VWA8: variants seen among roughly 807,000 people sequenced by gnomAD.
The protein encoded by VWA8 is von Willebrand factor A domain containing 8, also known as von Willebrand factor A domain-containing protein 8.
In VWA8, 221 loss-of-function variants were observed where a neutral mutation model predicts 241.5. The ratio of observed to expected loss-of-function variants is 0.91; its 90% CI spans 0.82 to 1.02. The LOEUF (loss-of-function observed/expected upper bound fraction) is 1.02. Among genes scored for constraint, VWA8 ranks in the 50% least tolerant of loss-of-function variants. VWA8 has a pLI of 0.00. For missense variants in VWA8, 2,322 were observed against 2,328.7 expected (o/e 1.00, Z 0.06); for synonymous variants, 852 against 827.1 (o/e 1.03, Z -0.52).
Position 41,721,529 on chromosome 13 carries a change from C to A in VWA8, c.2805G>T (p.Ser935=), listed in dbSNP as rs376457977. 3.1e-6 allele frequency: 5 copies of A among 1,613,676 alleles called. No individual in the cohort carries two copies. In the Middle Eastern group the frequency reaches 5.0e-4, roughly 160 times the overall value. ...CHAVDNPKPH[S]ELEMLRQYGP... is the part of the protein sequence containing the mutation. ...CATACTGTCTGAGCATCTCGAGCTC[C>A]GAGTGGGGTTTGGGGTTATCAACTG... Residue 935 remains serine (S), a synonymous_variant, in exon 25 of 45, where the codon TCG becomes TCT. Coordinates refer to ENST00000379310, the MANE Select transcript of VWA8 (RefSeq NM_015058.2).
At chr13:41,891,866 T>G (rs772745928) in intron 4 of VWA8, among the ~76,000 whole-genome samples, 1 of 152,094 alleles carries the variant, frequency 6.6e-6, no homozygotes. Context: ...ATATACCCAA[T>G]GAAATAAAAA....
intron 17 of VWA8, among the ~76,000 whole-genome samples, chr13:41,810,857 C>T (rs1870433474): frequency 6.6e-6 from 1 of 151,994 alleles, no homozygotes; most frequent in Non-Finnish European, 1.5e-5. Flanking sequence ...ATGCCTGTAT[C>T]AAAGTATCTC....
intron 2 of VWA8, among the ~76,000 whole-genome samples, chr13:41,932,295 T>C (rs745587403): frequency 1.3e-5 from 2 of 152,066 alleles, no homozygotes; most frequent in African/African-American, 4.8e-5. Context: ...ACTATATCTA[T>C]GAAAGAAACT....
chr13:41,857,701 T>C (rs944703121), intron 12 of VWA8, among the ~76,000 whole-genome samples: 7 of 152,208 alleles, frequency 4.6e-5, no homozygotes, highest in African/African-American at 1.7e-4. Context: ...TGACATTTAA[T>C]GAAAATGTCA....
At chr13:41,590,882 T>C in intron 40 of VWA8, 117 bp from the exon 41 acceptor site, 1 of 1,298,578 alleles carries the variant, frequency 7.7e-7, no homozygotes, top group South Asian at 1.3e-5. Context: ...GTGATGGTTC[T>C]GCATGAACAC....
intron 39 of VWA8, among the ~76,000 whole-genome samples, chr13:41,605,525 T>C (rs1484454753): frequency 6.6e-6 from 1 of 152,150 alleles, no homozygotes; most frequent in Non-Finnish European, 1.5e-5. Flanking sequence ...TGTTTGCTGA[T>C]TTCCATGATG....
At chr13:41,882,560 G>A (rs540629037) in intron 9 of VWA8, among the ~76,000 whole-genome samples, 4 of 152,352 alleles carry the variant, frequency 2.6e-5, no homozygotes, top group South Asian at 4.1e-4. Context: ...CCAGCACCCC[G>A]GGAGGCCAAG....
chr13:41,817,080 T>C (rs976780701), intron 15 of VWA8, among the ~76,000 whole-genome samples: 3 of 152,194 alleles, frequency 2.0e-5, no homozygotes, highest in Non-Finnish European at 4.4e-5. Flanking sequence ...TGGCCCATAG[T>C]GTACCCATAA....
At chr13:41,582,892 T>A (rs1036480704) in intron 42 of VWA8, among the ~76,000 whole-genome samples, 1 of 152,234 alleles carries the variant, frequency 6.6e-6, no homozygotes, top group Middle Eastern at 3.4e-3. Context: ...TCACTCTTCC[T>A]CCTTTTATAC....
At chr13:41,829,680 A>G (rs1351817860) in intron 14 of VWA8, among the ~76,000 whole-genome samples, 2 of 152,206 alleles carry the variant, frequency 1.3e-5, no homozygotes, top group African/African-American at 4.8e-5. Context: ...GAAGTAACTC[A>G]GGAATGGAAA....
chr13:41,957,636 A>G (rs1186970309), intron 1 of VWA8, among the ~76,000 whole-genome samples: 2 of 152,152 alleles, frequency 1.3e-5, no homozygotes, highest in Admixed American at 1.3e-4. Context: ...TTATACATAT[A>G]TATGTAATCT....
chr13:41,590,381 T>A (rs1036636753), intron 41 of VWA8, among the ~76,000 whole-genome samples: 3 of 152,166 alleles, frequency 2.0e-5, no homozygotes, highest in Admixed American at 2.0e-4. Flanking sequence ...TTGTAAATAG[T>A]CTTTGTACTG....
At chr13:41,787,010 C>T (rs563372050) in intron 18 of VWA8, among the ~76,000 whole-genome samples, 3 of 151,584 alleles carry the variant, frequency 2.0e-5, no homozygotes, top group Non-Finnish European at 2.9e-5. Context: ...TAGTTTGTAT[C>T]AACCTAGGAA....
chr13:41,669,996 A>G (rs2137797989), intron 37 of VWA8, among the ~76,000 whole-genome samples: 1 of 152,296 alleles, frequency 6.6e-6, no homozygotes, highest in South Asian at 2.1e-4. Flanking sequence ...CAAGCTTTTA[A>G]GGATCTAAGA....
At chr13:41,933,031 G>C (rs1252918844) in intron 2 of VWA8, among the ~76,000 whole-genome samples, 2 of 151,860 alleles carry the variant, frequency 1.3e-5, no homozygotes, top group Non-Finnish European at 2.9e-5. Context: ...ATCCAGATTG[G>C]AAAGGAAAAA....
chr13:41,627,303 T>C (rs920671887), intron 37 of VWA8, among the ~76,000 whole-genome samples: 1 of 152,108 alleles, frequency 6.6e-6, no homozygotes, highest in African/African-American at 2.4e-5. Flanking sequence ...CAGACTGTAA[T>C]GTGTACTTTC....
At chr13:41,948,830 G>T (rs1877979946) in intron 2 of VWA8, among the ~76,000 whole-genome samples, 1 of 151,926 alleles carries the variant, frequency 6.6e-6, no homozygotes, top group African/African-American at 2.4e-5. Flanking sequence ...TCTATCAATA[G>T]GAGAATGGAT....
Position 41,573,486 on chromosome 13 carries a change from A to AAATAAATAAATATATATATATATAT in VWA8, c.5370+2253_5370+2254insATATATATATATATATTTATTTATT. ...GGTGGCTATAGTTTAAAAAAAAAAA[A>AAATAAATAAATATATATATATATAT]ATATATATATATATATATATACCTC... On this transcript the variant is annotated intron_variant, in intron 43 of 44. Transcript: ENST00000379310. 1.6e-3 allele frequency among the ~76,000 whole-genome samples: 181 copies of AAATAAATAAATATATATATATATAT among 113,558 alleles called. 2 individuals are homozygous for AAATAAATAAATATATATATATATAT. Among genetic ancestry groups the AAATAAATAAATATATATATATATAT allele is most frequent in the African/African-American group, 2.9e-3 (86 of 29,174 alleles). 74.5% of individuals were successfully genotyped at this position (113,558 alleles called of 152,430 possible). A position where few individuals can be genotyped will look rare whatever the true frequency, so the allele number is the denominator to read the frequency against.
chr13:41,633,614 G>A (rs1228129189), intron 37 of VWA8, among the ~76,000 whole-genome samples: 1 of 152,202 alleles, frequency 6.6e-6, no homozygotes, highest in Admixed American at 6.5e-5. Flanking sequence ...CTCTTACGAT[G>A]TGAGCGACAA....
Sources: gnomAD v4.1 joint callset for allele counts (sites outside exome capture counted in the v4.1 genomes callset) on GRCh38, gnomAD v4.1.1 for gene constraint, MANE v1.5 for transcripts, NCBI Gene and HGNC (gene_info 2026-07-23, HGNC 2026-07-21) for gene names.